The following TMEM26 variants were observed in gnomAD, a reference collection of about 807,000 sequenced individuals.
TMEM26 encodes transmembrane protein 26.
TMEM26 carries 38 observed loss-of-function variants against 28.8 expected under a neutral mutation model. The ratio of observed to expected loss-of-function variants is 1.32; its 90% CI spans 1.02 to 1.73. The LOEUF is 1.73. Among genes scored for constraint, TMEM26 ranks in the 40% most tolerant of loss-of-function variants. The pLI, the probability that TMEM26 is intolerant of heterozygous loss-of-function variation, is 0.00. For synonymous variants in TMEM26, 227 were observed against 182.9 expected (o/e 1.24, Z -1.95); for missense variants, 518 against 447.1 (o/e 1.16, Z -1.43).
chr10:61,435,227 G>A (rs1389367158), intron 2 of TMEM26, among the ~76,000 whole-genome samples: 1 of 152,172 alleles, frequency 6.6e-6, no homozygotes, highest in Admixed American at 6.6e-5. Flanking sequence ...CTGTTGCCAG[G>A]CTGGAGTGCA....
chr10:61,428,987 C>A lies in TMEM26; in HGVS notation c.544G>T (p.Val182Leu), dbSNP rs757050329. The A allele has an allele frequency of 1.2e-6, 2 of 1,613,242 alleles. No individual in the cohort carries two copies. The highest frequency in any genetic ancestry group is 3.3e-5 in the Admixed American group (2 of 59,914). Residue 182 changes from valine (V) to leucine (L), a missense_variant, in exon 4 of 6, where the codon GTG (valine) becomes TTG (leucine). Val to Leu is a conservative substitution (Grantham distance 32). Coordinates refer to ENST00000399298, the MANE Select transcript of TMEM26 (RefSeq NM_178505.8). ...DQLSQLLLMF[V>L]GTAADILEFT... ...TCCAGTATGTCAGCCGCTGTCCCCA[C>A]AAACATAAGAAGAAGTTGAGAGAGT...
intron 1 of TMEM26, among the ~76,000 whole-genome samples, chr10:61,450,712 A>G (rs1840262815): frequency 6.6e-6 from 1 of 152,092 alleles, no homozygotes; most frequent in Admixed American, 6.5e-5. Context: ...CCTTGAATTC[A>G]TGTTATAATG....
chr10:61,450,529 T>C (rs1186683069), intron 1 of TMEM26, among the ~76,000 whole-genome samples: 2 of 152,232 alleles, frequency 1.3e-5, no homozygotes, highest in Non-Finnish European at 2.9e-5. Context: ...CATATGTCTA[T>C]ATTCAGTTGT....
chr10:61,426,615 AGGC>A (rs1371810201), intron 4 of TMEM26, among the ~76,000 whole-genome samples: 1 of 152,148 alleles, frequency 6.6e-6, no homozygotes. Flanking sequence ...ATATCATTGT[AGGC>A]TTTCTCCTAA....
chr10:61,412,745 T>G, intron 5 of TMEM26: 1 of 256,652 alleles, frequency 3.9e-6, no homozygotes, highest in Non-Finnish European at 7.8e-6. Flanking sequence ...CTAGTATGAC[T>G]GAGGAGTTGG....
At chr10:61,436,299 CAAA>C in intron 1 of TMEM26, 51 bp from the exon 2 acceptor site, 2 of 935,546 alleles carry the variant, frequency 2.1e-6, no homozygotes, top group Non-Finnish European at 3.0e-6. Context: ...GCTAATTTTC[CAAA>C]AAAAAAAATT....
chr10:61,406,989 T>G lies in TMEM26; in HGVS notation c.*3333A>C, dbSNP rs547261785. On this transcript the variant is annotated 3_prime_UTR_variant, in exon 6 of 6. Coordinates refer to ENST00000399298, the MANE Select transcript of TMEM26 (RefSeq NM_178505.8). ...TTAGAAAAAAAAAAAATCCCCTTTT[T>G]TTCTTGTAATTCAAGACTGTTTGGT... 6.6e-6 allele frequency: 1 copy of G among 152,084 alleles called. No homozygotes were observed. The highest frequency in any genetic ancestry group is 2.4e-5 in the African/African-American group (1 of 41,444). 9.4% of individuals were successfully genotyped at this position (152,084 alleles called of 1,614,324 possible).
At chr10:61,450,176 CA>C (rs1840252903) in intron 1 of TMEM26, among the ~76,000 whole-genome samples, 1 of 151,576 alleles carries the variant, frequency 6.6e-6, no homozygotes, top group Non-Finnish European at 1.5e-5. Context: ...ACTATAAGAG[CA>C]ATGGAAAAAA....
chr10:61,429,007 G>C lies in TMEM26; in HGVS notation c.524C>G (p.Ser175Cys). The change falls in exon 4 of 6, where the codon TCT becomes TGT. Residue 175 changes from serine (S) to cysteine (C), a missense_variant. Ser to Cys is a moderately radical substitution (Grantham distance 112, BLOSUM62 -1). Transcript: ENST00000399298. ...CCCCACAAACATAAGAAGAAGTTGAGAGAGTTGATCTCGAGTGATCCCGCC... is the reference window on the plus strand; with the variant it reads ...CCCCACAAACATAAGAAGAAGTTGACAGAGTTGATCTCGAGTGATCCCGCC... ...IGGGITRDQL[S>C]QLLLMFVGTA... 6.2e-7 allele frequency: 1 copy of C among 1,613,344 alleles called. No homozygotes were observed. Among genetic ancestry groups the C allele is most frequent in the East Asian group, 2.2e-5 (1 of 44,856 alleles).
intron 1 of TMEM26, among the ~76,000 whole-genome samples, chr10:61,446,656 T>A (rs1229281909): frequency 6.6e-6 from 1 of 150,908 alleles, no homozygotes; most frequent in Non-Finnish European, 1.5e-5. Flanking sequence ...CCGTCTCTAC[T>A]AAAATACAAA....
In TMEM26 at chr10:61,434,886, A is replaced by C. The variant is rs1443784780; in HGVS notation, c.270+1284T>G. Among the ~76,000 whole-genome samples the C allele has an allele frequency of 2.6e-5, 4 of 152,222 alleles. No homozygotes were observed. In the East Asian group the frequency reaches 7.7e-4, roughly 29 times the overall value. On this transcript the variant is annotated intron_variant, in intron 2 of 5. Coordinates refer to ENST00000399298, the MANE Select transcript of TMEM26 (RefSeq NM_178505.8). ...CCTTGCTATAAAATGACCAACTATA[A>C]CAAAGAAATCTATGTAAGTCCAAAT...
chr10:61,441,522 T>C (rs1840092921), intron 1 of TMEM26, among the ~76,000 whole-genome samples: 1 of 152,220 alleles, frequency 6.6e-6, no homozygotes, highest in Non-Finnish European at 1.5e-5. Context: ...GGTTTTATTT[T>C]AGTCTTTGTC....
chr10:61,424,160 T>C (rs1839793495), intron 4 of TMEM26, among the ~76,000 whole-genome samples: 1 of 152,186 alleles, frequency 6.6e-6, no homozygotes, highest in South Asian at 2.1e-4. Flanking sequence ...ACAAGCAGCA[T>C]GATACTGTAA....
intron 1 of TMEM26, among the ~76,000 whole-genome samples, chr10:61,443,119 C>A (rs1235541975): frequency 6.6e-6 from 1 of 151,978 alleles, no homozygotes; most frequent in Non-Finnish European, 1.5e-5. Context: ...GAATTCCCCC[C>A]AAAATGGAAA....
At chr10:61,452,836 T>TG in intron 1 of TMEM26, 55 bp downstream of exon 1, 1 of 1,562,378 alleles carries the variant, frequency 6.4e-7, no homozygotes, top group Non-Finnish European at 8.8e-7. Context: ...GCGAGTGCGG[T>TG]GGGGGACAAT....
intron 4 of TMEM26, among the ~76,000 whole-genome samples, chr10:61,421,260 T>C (rs2393851): frequency 1 from 151,575 of 152,126 alleles, 75,516 homozygotes; most frequent in Middle Eastern, 1. Flanking sequence ...ATATAACCAC[T>C]CCCACCAAGA....
chr10:61,434,918 A>T (rs994694724), intron 2 of TMEM26, among the ~76,000 whole-genome samples: 2 of 152,230 alleles, frequency 1.3e-5, no homozygotes, highest in South Asian at 4.1e-4. Context: ...AAATTCTCGA[A>T]GATCTTTTCT....
chr10:61,442,321 A>T (rs1209568938), intron 1 of TMEM26, among the ~76,000 whole-genome samples: 1 of 152,204 alleles, frequency 6.6e-6, no homozygotes, highest in Non-Finnish European at 1.5e-5. Flanking sequence ...TCTAAAAATG[A>T]CAATTATTAA....
intron 4 of TMEM26, among the ~76,000 whole-genome samples, chr10:61,424,749 A>C (rs887937485): frequency 2.6e-5 from 4 of 152,198 alleles, no homozygotes; most frequent in African/African-American, 9.7e-5. Flanking sequence ...CACAACAGAA[A>C]GTCCAGAGAA....
Sources: allele counts gnomAD v4.1 joint callset (sites outside exome capture counted in the v4.1 genomes callset), GRCh38; gene constraint gnomAD v4.1.1; transcripts MANE v1.5; gene names NCBI Gene and HGNC (gene_info 2026-07-23, HGNC 2026-07-21).